The following ZNF583 variants were observed in gnomAD, a reference collection of about 807,000 sequenced individuals.
ZNF583 encodes zinc finger protein L3-5.
A neutral mutation model predicts 55.3 loss-of-function variants in ZNF583; 30 were observed. That is an observed-to-expected ratio of 0.54 (90% CI 0.41 to 0.74). The LOEUF (loss-of-function observed/expected upper bound fraction) is 0.74, where lower values mean the gene tolerates loss of function less well. Ranked by LOEUF, ZNF583 falls within the 30% of genes least tolerant of loss-of-function variation. The probability of loss-of-function intolerance (pLI) is 0.00; values close to 1 mark genes in which losing one functional copy is unlikely to be tolerated. For synonymous variants in ZNF583, 208 were observed against 220.0 expected (o/e 0.95, Z 0.48); for missense variants, 504 against 664.7 (o/e 0.76, Z 2.66).
chr19:56,423,553 A>C lies in ZNF583; in HGVS notation c.895A>C (p.Lys299Gln). Reference protein sequence around the residue: ...VHTGEKPYQCKECKKAFSQIA... With the variant: ...VHTGEKPYQCQECKKAFSQIA... ...TACTGGAGAGAAACCTTATCAGTGT[A>C]AAGAATGTAAAAAAGCCTTCAGCCA... The change falls in exon 5 of 5, where the codon AAA becomes CAA. Residue 299 changes from lysine to glutamine, a missense_variant. Lys to Gln is a moderately conservative substitution (Grantham distance 53, BLOSUM62 1). Around this residue, in one of 3 missense-constraint regions of ZNF583, gnomAD observed 237 missense variants for 373.0 expected, o/e 0.64. Transcript: ENST00000333201. The C allele has an allele frequency of 6.2e-7, 1 of 1,613,896 alleles. No individual in the cohort carries two copies. Among genetic ancestry groups the C allele is most frequent in the South Asian group, 1.1e-5 (1 of 91,056 alleles).
At chr19:56,411,964 C>T (rs2042245560) in intron 2 of ZNF583, among the ~76,000 whole-genome samples, 1 of 152,104 alleles carries the variant, frequency 6.6e-6, no homozygotes, top group African/African-American at 2.4e-5. Context: ...AGGAGCATTA[C>T]TCTGCAAAGA....
At chr19:56,415,475 G>C (rs1302701571) in intron 4 of ZNF583, among the ~76,000 whole-genome samples, 1 of 152,222 alleles carries the variant, frequency 6.6e-6, no homozygotes, top group Non-Finnish European at 1.5e-5. Flanking sequence ...AAGAGTTTGA[G>C]AGATAAAGCC....
intron 4 of ZNF583, among the ~76,000 whole-genome samples, chr19:56,419,898 C>T (rs1051451193): frequency 6.6e-6 from 1 of 151,992 alleles, no homozygotes; most frequent in Non-Finnish European, 1.5e-5. Context: ...TTTAAAAGAA[C>T]CTACTTTTGT....
intron 4 of ZNF583, among the ~76,000 whole-genome samples, chr19:56,416,435 G>T (rs560955696): frequency 1.3e-5 from 2 of 148,844 alleles, no homozygotes; most frequent in Non-Finnish European, 3.0e-5. Context: ...TTCCAATTTT[G>T]TGTTTTTTTC....
chr19:56,407,235 AG>A, intron 2 of ZNF583, 112 bp downstream of exon 2: 3 of 1,211,920 alleles, frequency 2.5e-6, no homozygotes, highest in South Asian at 2.6e-5. Context: ...CCATTCATCC[AG>A]TGACTCGTTC....
At chr19:56,405,375 T>C (rs948555090) in intron 1 of ZNF583, among the ~76,000 whole-genome samples, 2 of 152,134 alleles carry the variant, frequency 1.3e-5, no homozygotes, top group African/African-American at 4.8e-5. Context: ...TGTGGGGGCA[T>C]GTCCATAGGT....
rs1241290730 is a variant in ZNF583, at chr19:56,427,103, A to G, written c.*2735A>G. On this transcript the variant is annotated 3_prime_UTR_variant, in exon 5 of 5. Transcript: ENST00000333201. ...AGTCTGCCCAAAGGATCCCTAGAGAAGTTCAGGCTTGGAGTTGGCTTATGT... is the reference window on the plus strand; with the variant it reads ...AGTCTGCCCAAAGGATCCCTAGAGAGGTTCAGGCTTGGAGTTGGCTTATGT... 2.6e-5 allele frequency: 4 copies of G among 152,176 alleles called. No individual in the cohort carries two copies. Among genetic ancestry groups the G allele is most frequent in the African/African-American group, 9.7e-5 (4 of 41,444 alleles). The allele number at this position is 152,176 out of a possible 1,614,324, so 9.4% of individuals were successfully genotyped here. A position where few individuals can be genotyped will look rare whatever the true frequency, so the allele number is the denominator to read the frequency against.
rs747157570 is a variant in ZNF583 at position 56,423,551 on chromosome 19, G to A, written c.893G>A (p.Cys298Tyr). 2 of 1,613,918 alleles carry A rather than the reference G, an allele frequency of 1.2e-6. No homozygotes were observed. Among genetic ancestry groups the A allele is most frequent in the Non-Finnish European group, 1.7e-6 (2 of 1,179,962 alleles). Residue 298 changes from cysteine to tyrosine, a missense_variant, in exon 5 of 5, where the codon TGT becomes TAT. Physicochemically the swap from Cys to Tyr is radical, Grantham distance 194. Around this residue, in one of 3 missense-constraint regions of ZNF583, gnomAD observed 237 missense variants for 373.0 expected, o/e 0.64. Transcript: ENST00000333201. ...CATACTGGAGAGAAACCTTATCAGT[G>A]TAAAGAATGTAAAAAAGCCTTCAGC... ...RVHTGEKPYQ[C>Y]KECKKAFSQI...
At chr19:56,416,204 T>G (rs1171914592) in intron 4 of ZNF583, among the ~76,000 whole-genome samples, 5 of 151,282 alleles carry the variant, frequency 3.3e-5, no homozygotes, top group African/African-American at 1.2e-4. Flanking sequence ...CAGGCTCCTG[T>G]AATCCCAGCT....
At chr19:56,410,502 C>T (rs1206930389) in intron 2 of ZNF583, among the ~76,000 whole-genome samples, 2 of 152,006 alleles carry the variant, frequency 1.3e-5, no homozygotes, top group South Asian at 2.1e-4. Flanking sequence ...GAGTTCAAGA[C>T]CAGCCTGGCC....
In ZNF583 at chr19:56,425,401, G is replaced by T. The variant is rs564858590; in HGVS notation, c.*1033G>T. 3.3e-5 allele frequency: 5 copies of T among 152,182 alleles called. No homozygotes were observed. In the East Asian group the frequency reaches 7.7e-4, roughly 24 times the overall value. 9.4% of individuals were successfully genotyped at this position (152,182 alleles called of 1,614,324 possible). ...ATTTTTGTATTTTTAGTAGAGAGAG[G>T]GTTTTGACATGTCGGCCAGGCTTTT... On this transcript the variant is annotated 3_prime_UTR_variant, in exon 5 of 5. Coordinates refer to ENST00000333201, the MANE Select transcript of ZNF583 (RefSeq NM_152478.3).
chr19:56,404,088 AGGTGG>A (rs2042105863), upstream of ZNF583: 1 of 152,466 alleles, frequency 6.6e-6, no homozygotes, highest in African/African-American at 2.4e-5. This position sits in a 1 kb window ranked among gnomAD's most constrained non-coding sequence, Gnocchi z 5.2. Flanking sequence ...GCGCCTGCGC[AGGTGG>A]AACGGGTGGA....
At position 56,418,712 on chromosome 19, in the gene ZNF583, C is replaced by A. The variant is rs1367275230; in HGVS notation, c.233-4179C>A. On this transcript the variant is annotated intron_variant, in intron 4 of 4. Coordinates refer to ENST00000333201, the MANE Select transcript of ZNF583 (RefSeq NM_152478.3). ...TGGACAATCATGCTATCTACAAATA[C>A]AGTTTTTTTTTCCTTCTGATCCTTA... Among the ~76,000 whole-genome samples the A allele has an allele frequency of 2.1e-5, 3 of 144,164 alleles. No individual in the cohort carries two copies. In the East Asian group the frequency reaches 7.9e-4, roughly 38 times the overall value. The allele number at this position is 144,164 out of a possible 152,430, so 94.6% of individuals were successfully genotyped here.
At position 56,408,614 on chromosome 19, in the gene ZNF583, G is replaced by A. The variant is rs1041222334; in HGVS notation, c.9+1491G>A. ...CAGGGGAAGAAAGTGACATGTCCAC[G>A]TAACCAGTTAGTGACTGAGTCAGAT... On this transcript the variant is annotated intron_variant, in intron 2 of 4. Transcript: ENST00000333201. Among the ~76,000 whole-genome samples, 5 of 152,270 alleles carry A rather than the reference G, an allele frequency of 3.3e-5. No homozygotes were observed. The South Asian group carries it at 6.2e-4, about 19-fold the overall frequency.
chr19:56,408,515 A>G (rs2042189908), intron 2 of ZNF583, among the ~76,000 whole-genome samples: 1 of 152,214 alleles, frequency 6.6e-6, no homozygotes, highest in African/African-American at 2.4e-5. Context: ...AGGCTTATAA[A>G]ACAGTAAAGC....
At chr19:56,414,527 C>A in intron 4 of ZNF583, 87 bp downstream of exon 4, 1 of 1,228,956 alleles carries the variant, frequency 8.1e-7, no homozygotes, top group South Asian at 1.3e-5. Context: ...ATTGACGTTT[C>A]CTGGGTAGCT....
Position 56,423,244 on chromosome 19 carries a change from A to T in ZNF583, c.586A>T (p.Lys196Ter). ...ACCACAAAAGAAAAGTTACCGAAAA[A>T]AATCTGTTGAAATGAAACATAGGAA... is the stretch of plus-strand genomic sequence containing the variant. The part of the protein sequence containing the change: ...HEPQKKSYRK[K>*]SVEMKHRKVY... The change falls in exon 5 of 5, where the codon AAA becomes TAA. Residue 196 changes from lysine to a stop codon, truncating the protein, a stop_gained. Coordinates refer to ENST00000333201, the MANE Select transcript of ZNF583 (RefSeq NM_152478.3). LOFTEE classifies it high-confidence loss of function. The T allele has an allele frequency of 6.2e-7, 1 of 1,611,480 alleles. No individual in the cohort carries two copies. The highest frequency in any genetic ancestry group is 8.5e-7 in the Non-Finnish European group (1 of 1,179,500).
Position 56,423,998 on chromosome 19 carries a change from A to G in ZNF583, c.1340A>G (p.Asn447Ser). The G allele has an allele frequency of 6.2e-7, 1 of 1,614,128 alleles. No individual in the cohort carries two copies. The highest frequency in any genetic ancestry group is 8.5e-7 in the Non-Finnish European group (1 of 1,179,996). Residue 447 changes from asparagine to serine, a missense_variant, in exon 5 of 5, where the codon AAT becomes AGT. Around this residue, in one of 3 missense-constraint regions of ZNF583, gnomAD observed 237 missense variants for 373.0 expected, o/e 0.64. Coordinates refer to ENST00000333201, the MANE Select transcript of ZNF583 (RefSeq NM_152478.3). ...ECIECGKAFS[N>S]SSSLAQHQRS... is the part of the protein sequence containing the mutation. ...ATTGAATGTGGGAAGGCCTTTAGCAATAGTTCATCACTTGCACAACATCAG... is the reference window on the plus strand; with the variant it reads ...ATTGAATGTGGGAAGGCCTTTAGCAGTAGTTCATCACTTGCACAACATCAG...
At chr19:56,414,160 C>T (rs2042281196) in intron 3 of ZNF583, 75 bp downstream of exon 3, 14 of 1,542,846 alleles carry the variant, frequency 9.1e-6, no homozygotes, top group African/African-American at 2.8e-5. Context: ...AAACCTCTGA[C>T]GTGCTTCACT....
Sources: allele counts gnomAD v4.1 joint callset (sites outside exome capture counted in the v4.1 genomes callset), GRCh38; gene constraint gnomAD v4.1.1; regional missense constraint gnomAD v4.1.1; non-coding constraint Gnocchi (gnomAD v3.1); transcripts MANE v1.5; gene names NCBI Gene and HGNC (gene_info 2026-07-23, HGNC 2026-07-21).